Variants in MKRN1 observed in about 807,000 individuals in gnomAD.
The protein encoded by MKRN1 is E3 ubiquitin-protein ligase makorin-1.
MKRN1 carries 9 observed loss-of-function variants against 55.5 expected under a neutral mutation model. The ratio of observed to expected loss-of-function variants is 0.16; its 90% CI spans 0.10 to 0.28. The LOEUF is 0.28. MKRN1 is among the 10% of genes least tolerant of loss of function. MKRN1 has a pLI of 1.00. For missense variants in MKRN1, 488 were observed against 626.7 expected, an observed-to-expected ratio of 0.78 and a Z score of 2.36; for synonymous variants, 253 against 235.9, an observed-to-expected ratio of 1.07 and a Z score of -0.66.
At chr7:140,458,717 G>C (rs1443593075) in intron 4 of MKRN1, among the ~76,000 whole-genome samples, 1 of 152,164 alleles carries the variant, frequency 6.6e-6, no homozygotes, top group East Asian at 1.9e-4. Context: ...TCTGGAAGTA[G>C]GACTTCTTTT....
intron 2 of MKRN1, among the ~76,000 whole-genome samples, chr7:140,468,984 C>T (rs185865956): frequency 6.6e-6 from 1 of 152,212 alleles, no homozygotes; most frequent in East Asian, 1.9e-4. Context: ...AGGTTCTGAA[C>T]TCTATTTGAA....
chr7:140,467,714 G>A (rs939066777), intron 2 of MKRN1, among the ~76,000 whole-genome samples: 3 of 152,060 alleles, frequency 2.0e-5, no homozygotes, highest in Non-Finnish European at 4.4e-5. Flanking sequence ...TTAATACACA[G>A]AGCCCAGGCA....
At position 140,479,117 on chromosome 7, in the gene MKRN1, G is replaced by A. The variant is rs997441237; in HGVS notation, c.185+43C>T. On this transcript the variant is annotated intron_variant, in intron 1 of 7. Transcript: ENST00000255977. Reference sequence around the variant, plus strand: ...CTCCCGCGCCGCAGGCTTGGCCCGCGGCCCCCTCCCCGCGCCCGGCGCTCC... The same window carrying A: ...CTCCCGCGCCGCAGGCTTGGCCCGCAGCCCCCTCCCCGCGCCCGGCGCTCC... 2.3e-6 allele frequency: 3 copies of A among 1,289,706 alleles called. No individual in the cohort carries two copies. In the African/African-American group the frequency reaches 4.7e-5, roughly 20 times the overall value. 79.9% of individuals were successfully genotyped at this position (1,289,706 alleles called of 1,614,324 possible).
chr7:140,458,978 A>G (rs1350001782), intron 4 of MKRN1, 29 bp downstream of exon 4: 1 of 1,605,418 alleles, frequency 6.2e-7, no homozygotes, highest in Non-Finnish European at 8.5e-7. Flanking sequence ...CTCACATCTA[A>G]TAACACACAC....
chr7:140,475,237 G>A (rs1208390872), intron 1 of MKRN1: 1 of 430,066 alleles, frequency 2.3e-6, no homozygotes, highest in Non-Finnish European at 4.7e-6. Flanking sequence ...CAGCTTCTCG[G>A]AAGGCTGAGG....
chr7:140,457,063 G>A (rs1794486664), intron 4 of MKRN1, 197 bp from the exon 5 acceptor site: 1 of 607,120 alleles, frequency 1.6e-6, no homozygotes, highest in Non-Finnish European at 2.8e-6. Flanking sequence ...TTTTTGCGGT[G>A]GTACTTAACA....
intron 2 of MKRN1, among the ~76,000 whole-genome samples, chr7:140,469,906 A>C (rs55780162): frequency 9.9e-5 from 15 of 151,586 alleles, no homozygotes; most frequent in Non-Finnish European, 1.9e-4. Flanking sequence ...AAATTAGCTG[A>C]GTGTGGCGGT....
chr7:140,471,122 C>G (rs949368341), intron 2 of MKRN1, among the ~76,000 whole-genome samples: 8 of 152,102 alleles, frequency 5.3e-5, no homozygotes, highest in Non-Finnish European at 1.2e-4. Context: ...GGGGCTCATG[C>G]TTGTAATCCC....
intron 2 of MKRN1, among the ~76,000 whole-genome samples, chr7:140,467,603 T>C (rs993855116): frequency 6.6e-6 from 1 of 152,250 alleles, no homozygotes; most frequent in East Asian, 1.9e-4. Context: ...GCCATCTGCA[T>C]CTGCCTCAAC....
intron 1 of MKRN1, chr7:140,478,685 G>A (rs982933619): frequency 1.3e-5 from 2 of 152,936 alleles, no homozygotes; most frequent in African/African-American, 4.8e-5. Flanking sequence ...AGAGGGCCGG[G>A]AGCCAGGCAA....
In MKRN1 at chr7:140,458,894, A is replaced by G. The variant is rs899153968; in HGVS notation, c.771+113T>C. 21 of 1,144,440 alleles carry G rather than the reference A, an allele frequency of 1.8e-5. No individual in the cohort carries two copies. In the African/African-American group the frequency reaches 3.2e-4, roughly 18 times the overall value. 70.9% of individuals were successfully genotyped at this position (1,144,440 alleles called of 1,614,324 possible). A position where few individuals can be genotyped will look rare whatever the true frequency, so the allele number is the denominator to read the frequency against. ...CCAAGAAAGGAAAACTTCCCTACTC[A>G]CTGATAACCATTCAATTCATCAAAT... On this transcript the variant is annotated intron_variant, in intron 4 of 7. Coordinates refer to ENST00000255977, the MANE Select transcript of MKRN1 (RefSeq NM_013446.4).
In MKRN1 at chr7:140,455,957, A is replaced by G. The variant is rs760029943; in HGVS notation, c.987-57T>C. 4.8e-6 allele frequency: 7 copies of G among 1,443,542 alleles called. No individual in the cohort carries two copies. In the African/African-American group the frequency reaches 9.8e-5, roughly 20 times the overall value. The allele number at this position is 1,443,542 out of a possible 1,614,324, so 89.4% of individuals were successfully genotyped here. A position where few individuals can be genotyped will look rare whatever the true frequency, so the allele number is the denominator to read the frequency against. ...TTCCCCTTTTACAGGCCCACTCTTC[A>G]AGGACACACCCTGGTGTGTCGCCTC... On this transcript the variant is annotated intron_variant, in intron 5 of 7. Coordinates refer to ENST00000255977, the MANE Select transcript of MKRN1 (RefSeq NM_013446.4).
At chr7:140,475,414 C>A (rs1795092216) in intron 1 of MKRN1, 1 of 291,290 alleles carries the variant, frequency 3.4e-6, no homozygotes, top group South Asian at 2.5e-5. Flanking sequence ...AATCCCAGCA[C>A]TTTAGGAGGC....
At chr7:140,479,034 A>G in intron 1 of MKRN1, 126 bp downstream of exon 1, 7 of 1,154,196 alleles carry the variant, frequency 6.1e-6, no homozygotes, top group Non-Finnish European at 7.6e-6. Context: ...GCAGAGATCG[A>G]GACAACGCCG....
chr7:140,457,033 G>GT (rs61226924), intron 4 of MKRN1, 167 bp from the exon 5 acceptor site: 12,105 of 579,736 alleles, frequency 0.021, 10 homozygotes, highest in South Asian at 0.029. Context: ...CAGGTGTGGT[G>GT]TTTTTTTTTT....
intron 1 of MKRN1, chr7:140,474,382 T>A (rs756983765): frequency 9.5e-6 from 3 of 315,430 alleles, no homozygotes; most frequent in South Asian, 4.7e-5. Flanking sequence ...GGCACACACC[T>A]GTAGTCCCAG....
chr7:140,462,855 A>G (rs552594994), intron 2 of MKRN1, among the ~76,000 whole-genome samples: 1 of 152,262 alleles, frequency 6.6e-6, no homozygotes, highest in Non-Finnish European at 1.5e-5. Context: ...AATCCCACCT[A>G]CTTGGGAGGC....
intron 3 of MKRN1, 22 bp downstream of exon 3, chr7:140,459,685 T>C (rs761623460): frequency 1.9e-6 from 3 of 1,606,224 alleles, no homozygotes; most frequent in Non-Finnish European, 2.6e-6. Flanking sequence ...CTAACTCTTA[T>C]TTTCTTCTTC....
chr7:140,477,578 T>C (rs893365831), intron 1 of MKRN1, among the ~76,000 whole-genome samples: 1 of 152,120 alleles, frequency 6.6e-6, no homozygotes, highest in Non-Finnish European at 1.5e-5. Flanking sequence ...TGCCTTGGCC[T>C]CCCAAAGTGC....
Sources: gnomAD v4.1 joint callset for allele counts (sites outside exome capture counted in the v4.1 genomes callset) on GRCh38, gnomAD v4.1.1 for gene constraint, MANE v1.5 for transcripts, NCBI Gene and HGNC (gene_info 2026-07-23, HGNC 2026-07-21) for gene names.